The following MEGF6 variants were observed in gnomAD, a reference collection of about 807,000 sequenced individuals.
The protein encoded by MEGF6 is multiple EGF like domains 6, also known as multiple epidermal growth factor-like domains protein 6.
MEGF6 carries 184 observed loss-of-function variants against 207.1 expected under a neutral mutation model. The ratio of observed to expected loss-of-function variants is 0.89; its 90% CI spans 0.79 to 1.00. The LOEUF (loss-of-function observed/expected upper bound fraction) is 1.00. MEGF6 is among the 50% of genes least tolerant of loss of function. MEGF6 has a pLI of 0.00. For synonymous variants in MEGF6, 1,038 were observed against 910.0 expected, an observed-to-expected ratio of 1.14 and a Z score of -2.53; for missense variants, 2,282 against 2,202.9, an observed-to-expected ratio of 1.04 and a Z score of -0.72.
intron 4 of MEGF6, among the ~76,000 whole-genome samples, chr1:3,550,041 A>G (rs993315659): frequency 1.3e-5 from 2 of 152,208 alleles, no homozygotes; most frequent in Admixed American, 6.5e-5. Flanking sequence ...TGGTGAGTCC[A>G]GCCTGAAGGG....
chr1:3,550,655 C>T (rs534375304), intron 4 of MEGF6, among the ~76,000 whole-genome samples: 5 of 152,380 alleles, frequency 3.3e-5, no homozygotes, highest in South Asian at 2.1e-4. Flanking sequence ...TGCTCCGTGC[C>T]GGATCTGGCC....
At chr1:3,572,538 CCAGGTATGCTGGGTTCTCT>C (rs1455988165) in intron 4 of MEGF6, among the ~76,000 whole-genome samples, 4 of 147,236 alleles carry the variant, frequency 2.7e-5, no homozygotes, top group South Asian at 2.2e-4. Context: ...TTAGGTTCTC[CCAGGTATGCTGGGTTCTCT>C]CAGGTATGCT....
Position 3,524,216 on chromosome 1 carries a change from C to T in MEGF6, c.512G>A (p.Gly171Asp). 6.2e-7 allele frequency: 1 copy of T among 1,612,710 alleles called. No homozygotes were observed. The stretch of plus-strand genomic sequence containing the variant: ...GGTGTTCACGCACCGGTGCTGGCAG[C>T]CACCGTTGTGGGTTCGGCATTCGTC... ...DVDECRTHNG[G>D]CQHRCVNTPG... Residue 171 changes from glycine (G) to aspartate (D), a missense_variant, in exon 5 of 37, where the codon GGC (glycine) becomes GAC (aspartate). Physicochemically the swap from Gly to Asp is moderately conservative, Grantham distance 94. Transcript: ENST00000356575.
At chr1:3,595,885 G>A (rs931465545) in intron 2 of MEGF6, among the ~76,000 whole-genome samples, 1 of 152,172 alleles carries the variant, frequency 6.6e-6, no homozygotes, top group Non-Finnish European at 1.5e-5. Context: ...GAGCCAAGTG[G>A]GCCCATGGTG....
At chr1:3,494,793 C>T in intron 30 of MEGF6, 52 bp from the exon 31 acceptor site, 2 of 1,491,188 alleles carry the variant, frequency 1.3e-6, no homozygotes, top group Non-Finnish European at 1.8e-6. Context: ...GGCTGGGCTC[C>T]CTCTGGGGAT....
intron 4 of MEGF6, among the ~76,000 whole-genome samples, chr1:3,568,655 C>T (rs921180701): frequency 6.6e-6 from 1 of 152,184 alleles, no homozygotes; most frequent in Non-Finnish European, 1.5e-5. Context: ...CATGCCCTGC[C>T]CTGGATGCCA....
Position 3,490,949 on chromosome 1 carries a change from G to A in MEGF6, c.4527C>T (p.Leu1509=), listed in dbSNP as rs1250176971. The A allele has an allele frequency of 1.9e-6, 3 of 1,601,746 alleles. No individual in the cohort carries two copies. In the African/African-American group the frequency reaches 4.0e-5, roughly 22 times the overall value. The part of the protein sequence containing the change: ...MGPTCREGGP[L]RLPENPSLAQ... ...CTAAGGACGGGTTCTCGGGGAGCCG[G>A]AGGGGCCCACCTGGAGGGGAGAGAG... Residue 1509 remains leucine, a synonymous_variant, in exon 36 of 37, where the codon CTC becomes CTT. Transcript: ENST00000356575.
chr1:3,565,183 C>G lies in MEGF6; in HGVS notation c.481+14642G>C, dbSNP rs1643310456. On this transcript the variant is annotated intron_variant, in intron 4 of 36. Transcript: ENST00000356575. This position sits in a 1 kb window ranked among gnomAD's most constrained non-coding sequence, Gnocchi z 4.8. ...TTACCCTGGAACCCCCTGCCTGGGT[C>G]TCGTCCTCTCTCCCACTGTGTCCCC... 6.6e-6 allele frequency among the ~76,000 whole-genome samples: 1 copy of G among 152,102 alleles called. No individual in the cohort carries two copies. The highest frequency in any genetic ancestry group is 2.1e-4 in the South Asian group (1 of 4,824).
intron 34 of MEGF6, 122 bp from the exon 35 acceptor site, chr1:3,492,889 T>C: frequency 7.2e-7 from 1 of 1,392,782 alleles, no homozygotes; most frequent in Non-Finnish European, 9.7e-7. Context: ...TGCCTGGGTG[T>C]GTGCGGGAGC....
chr1:3,498,844 G>A lies in MEGF6; in HGVS notation c.3095-18C>T. On this transcript the variant is annotated intron_variant, in intron 24 of 36. Coordinates refer to ENST00000356575, the MANE Select transcript of MEGF6 (RefSeq NM_001409.4). ...AGGGCAGGCTGGGGCCAGGGAAGAGGGAGCAACCTGCATCCCCCAGCCAGC... is the reference window on the plus strand; with the variant it reads ...AGGGCAGGCTGGGGCCAGGGAAGAGAGAGCAACCTGCATCCCCCAGCCAGC... 1 of 1,547,224 alleles carries A rather than the reference G, an allele frequency of 6.5e-7. No individual in the cohort carries two copies. Among genetic ancestry groups the A allele is most frequent in the Non-Finnish European group, 8.7e-7 (1 of 1,145,322 alleles).
chr1:3,515,575 C>A, intron 5 of MEGF6, 48 bp from the exon 6 acceptor site: 1 of 1,590,496 alleles, frequency 6.3e-7, no homozygotes, highest in Admixed American at 1.7e-5. Context: ...GATGCCTGGC[C>A]GACAGTCTGT....
intron 4 of MEGF6, among the ~76,000 whole-genome samples, chr1:3,576,504 A>C (rs776320013): frequency 8.5e-5 from 13 of 152,174 alleles, no homozygotes; most frequent in Non-Finnish European, 1.8e-4. Flanking sequence ...GGGGTTAGTG[A>C]AATATTCCCA....
chr1:3,612,625 C>T (rs1476181952), upstream of MEGF6, among the ~76,000 whole-genome samples: 1 of 152,190 alleles, frequency 6.6e-6, no homozygotes, highest in Non-Finnish European at 1.5e-5. Context: ...GTGCGCTGAC[C>T]ATCAGCTCAG....
intron 5 of MEGF6, among the ~76,000 whole-genome samples, chr1:3,517,462 T>G (rs1422933763): frequency 6.6e-6 from 1 of 152,224 alleles, no homozygotes; most frequent in Admixed American, 6.5e-5. Flanking sequence ...GCTCCCAAGC[T>G]GTGCGCAGCC....
chr1:3,567,244 C>T (rs1643370099), intron 4 of MEGF6, among the ~76,000 whole-genome samples: 1 of 152,198 alleles, frequency 6.6e-6, no homozygotes, highest in Admixed American at 6.5e-5. Flanking sequence ...TGGACATGGG[C>T]AGGGCCTGGA....
At chr1:3,549,951 G>T (rs1022842200) in intron 4 of MEGF6, among the ~76,000 whole-genome samples, 101 of 152,146 alleles carry the variant, frequency 6.6e-4, no homozygotes, top group African/African-American at 2.4e-3. Flanking sequence ...GACTCACAAA[G>T]GCTGCCCTCA....
chr1:3,501,439 G>T, intron 18 of MEGF6, 131 bp from the exon 19 acceptor site: 2 of 1,361,740 alleles, frequency 1.5e-6, no homozygotes, highest in East Asian at 2.5e-5. Context: ...GCCTGCCCCG[G>T]GGAGGGGAGA....
At chr1:3,586,851 A>G (rs1052332323) in intron 3 of MEGF6, among the ~76,000 whole-genome samples, 1 of 152,288 alleles carries the variant, frequency 6.6e-6, no homozygotes, top group South Asian at 2.1e-4. Flanking sequence ...TGATGGTCCA[A>G]CAGCTGGACA....
At chr1:3,541,127 A>C (rs1642501982) in intron 4 of MEGF6, among the ~76,000 whole-genome samples, 1 of 152,176 alleles carries the variant, frequency 6.6e-6, no homozygotes, top group South Asian at 2.1e-4. Context: ...GCCACCCTCC[A>C]GCTCTGACTC....
Sources: gnomAD v4.1 joint callset for allele counts (sites outside exome capture counted in the v4.1 genomes callset) on GRCh38, gnomAD v4.1.1 for gene constraint, Gnocchi (gnomAD v3.1) non-coding constraint, MANE v1.5 for transcripts, NCBI Gene and HGNC (gene_info 2026-07-23, HGNC 2026-07-21) for gene names.